SGCZ: variants seen among roughly 807,000 people sequenced by gnomAD.
The protein encoded by SGCZ is zeta-sarcoglycan.
A neutral mutation model predicts 41.3 loss-of-function variants in SGCZ; 40 were observed. That is an observed-to-expected ratio of 0.97 (90% CI 0.75 to 1.26). The LOEUF is 1.26. Ranked by LOEUF, SGCZ falls within the 50% of genes most tolerant of loss-of-function variation. SGCZ has a pLI of 0.00. For missense variants in SGCZ, 552 were observed against 369.8 expected, an observed-to-expected ratio of 1.49 and a Z score of -4.04; for synonymous variants, 206 against 137.5, an observed-to-expected ratio of 1.50 and a Z score of -3.49.
At chr8:14,242,758 A>G (rs1798937502) in intron 3 of SGCZ, among the ~76,000 whole-genome samples, 1 of 152,192 alleles carries the variant, frequency 6.6e-6, no homozygotes, top group Non-Finnish European at 1.5e-5. Context: ...AAAGGTAACA[A>G]GCCATGTTGG....
chr8:15,062,908 A>G (rs932455258), intron 1 of SGCZ, among the ~76,000 whole-genome samples: 3 of 152,284 alleles, frequency 2.0e-5, no homozygotes, highest in African/African-American at 7.2e-5. Context: ...AAGCATAGTT[A>G]AAATAGACCT....
intron 3 of SGCZ, among the ~76,000 whole-genome samples, chr8:14,274,968 T>A (rs10087192): frequency 0.22 from 32,824 of 152,066 alleles, 3,735 homozygotes; most frequent in East Asian, 0.3. Flanking sequence ...TCGTTCATGA[T>A]CTTTTAAACA....
chr8:15,237,837 A>G lies in SGCZ; in HGVS notation c.-214T>C, dbSNP rs1220771522. On this transcript the variant is annotated 5_prime_UTR_variant, in exon 1 of 8. Transcript: ENST00000382080. ...TAATTCACTTTATTTTACTTCCTCA[A>G]AGATTTAGTGACAGGTGATCTCTAC... 3.6e-6 allele frequency: 2 copies of G among 553,288 alleles called. No individual in the cohort carries two copies. Among genetic ancestry groups the G allele is most frequent in the East Asian group, 2.9e-5 (1 of 34,814 alleles). The allele number at this position is 553,288 out of a possible 1,614,324, so 34.3% of individuals were successfully genotyped here. A position where few individuals can be genotyped will look rare whatever the true frequency, so the allele number is the denominator to read the frequency against.
rs560519633 is a variant in SGCZ, at chr8:14,460,605, A to G, written c.234+94127T>C. On this transcript the variant is annotated intron_variant, in intron 2 of 7. Transcript: ENST00000382080. ...GCATAATAACAAGAAATGTATCTAA[A>G]GACCAATTGAGTAATCACCAACTGA... Among the ~76,000 whole-genome samples, 50 of 152,272 alleles carry G rather than the reference A, an allele frequency of 3.3e-4. 1 individual carries two copies. Among genetic ancestry groups the G allele is most frequent in the African/African-American group, 1.2e-3 (48 of 41,558 alleles).
chr8:14,550,945 C>T (rs961928755), intron 2 of SGCZ, among the ~76,000 whole-genome samples: 2 of 151,934 alleles, frequency 1.3e-5, no homozygotes, highest in African/African-American at 4.8e-5. Context: ...ATTTTTCTTT[C>T]AGCCAACTTT....
intron 1 of SGCZ, among the ~76,000 whole-genome samples, chr8:14,931,605 C>T (rs1799923839): frequency 6.6e-6 from 1 of 151,884 alleles, no homozygotes; most frequent in Non-Finnish European, 1.5e-5. Flanking sequence ...TTCAAGTGAG[C>T]TCTGGAGCCA....
At chr8:14,404,870 T>C (rs574767999) in intron 2 of SGCZ, among the ~76,000 whole-genome samples, 3 of 152,198 alleles carry the variant, frequency 2.0e-5, no homozygotes, top group Non-Finnish European at 4.4e-5. Flanking sequence ...CAAGTGAGAC[T>C]GGGAGCAAGA....
intron 1 of SGCZ, among the ~76,000 whole-genome samples, chr8:14,832,569 T>C (rs575702463): frequency 3.3e-5 from 5 of 152,298 alleles, no homozygotes; most frequent in South Asian, 4.1e-4. Context: ...CTAACACATA[T>C]ACTTTGTAGA....
chr8:14,188,933 G>C (rs993084650), intron 4 of SGCZ, among the ~76,000 whole-genome samples: 1 of 150,106 alleles, frequency 6.7e-6, no homozygotes, highest in African/African-American at 2.4e-5. Flanking sequence ...CCGGGTTCGA[G>C]CAACCTCCAT....
intron 1 of SGCZ, among the ~76,000 whole-genome samples, chr8:14,782,159 G>A (rs2253107): frequency 0.14 from 20,606 of 152,060 alleles, 1,473 homozygotes; most frequent in Middle Eastern, 0.16. Flanking sequence ...AACGACTACT[G>A]GGACTGCTGT....
At chr8:14,509,544 G>A (rs2117071497) in intron 2 of SGCZ, among the ~76,000 whole-genome samples, 1 of 152,246 alleles carries the variant, frequency 6.6e-6, no homozygotes, top group South Asian at 2.1e-4. Context: ...ACAGTCAGCT[G>A]TTAGAGGTAA....
At chr8:14,312,660 AG>A (rs1801587122) in intron 3 of SGCZ, among the ~76,000 whole-genome samples, 1 of 151,480 alleles carries the variant, frequency 6.6e-6, no homozygotes, top group South Asian at 2.1e-4. Context: ...GAAGAGGAAG[AG>A]GAGGAGGAAG....
intron 1 of SGCZ, among the ~76,000 whole-genome samples, chr8:14,863,083 C>G (rs755404232): frequency 6.6e-5 from 10 of 152,014 alleles, no homozygotes; most frequent in Non-Finnish European, 1.5e-4. Flanking sequence ...GGTTATGTAT[C>G]TCACATATTT....
chr8:14,457,383 A>T (rs1800777064), intron 2 of SGCZ, among the ~76,000 whole-genome samples: 1 of 152,308 alleles, frequency 6.6e-6, no homozygotes, highest in South Asian at 2.1e-4. Context: ...GTCCAGCGGT[A>T]GCAAAAGGTG....
intron 3 of SGCZ, among the ~76,000 whole-genome samples, chr8:14,261,231 G>A (rs1799656316): frequency 6.6e-6 from 1 of 152,208 alleles, no homozygotes; most frequent in East Asian, 1.9e-4. Flanking sequence ...AGAGACATCT[G>A]AGCTGCTACT....
intron 1 of SGCZ, among the ~76,000 whole-genome samples, chr8:14,786,392 A>T (rs1367400101): frequency 6.6e-5 from 10 of 152,214 alleles, no homozygotes; most frequent in Non-Finnish European, 1.5e-4. Context: ...TGAATAAATA[A>T]AGATTTATTT....
intron 1 of SGCZ, among the ~76,000 whole-genome samples, chr8:15,199,826 C>T (rs768169699): frequency 1.2e-4 from 18 of 151,988 alleles, no homozygotes; most frequent in East Asian, 7.7e-4. Flanking sequence ...TAAACCTTTG[C>T]GGAAAAAAAT....
intron 3 of SGCZ, among the ~76,000 whole-genome samples, chr8:14,323,021 G>C (rs1801979169): frequency 6.6e-6 from 1 of 152,012 alleles, no homozygotes; most frequent in Non-Finnish European, 1.5e-5. Context: ...TGTGTTACTT[G>C]TCTGAACGAT....
chr8:14,958,415 T>G (rs1350404935), intron 1 of SGCZ, among the ~76,000 whole-genome samples: 1 of 152,022 alleles, frequency 6.6e-6, no homozygotes, highest in African/African-American at 2.4e-5. Flanking sequence ...AGAAAAGGTA[T>G]GCAATACTGA....
Sources: gnomAD v4.1 joint callset for allele counts (sites outside exome capture counted in the v4.1 genomes callset) on GRCh38, gnomAD v4.1.1 for gene constraint, MANE v1.5 for transcripts, NCBI Gene and HGNC (gene_info 2026-07-23, HGNC 2026-07-21) for gene names.